HDGFL3: variants seen among roughly 807,000 people sequenced by gnomAD.
The protein encoded by HDGFL3 is HDGF like 3.
In HDGFL3, 6 loss-of-function variants were observed where a neutral mutation model predicts 27.6. That is an observed-to-expected ratio of 0.22 (90% CI 0.12 to 0.43). The LOEUF is 0.43. Ranked by LOEUF, HDGFL3 falls within the 20% of genes least tolerant of loss-of-function variation. HDGFL3 has a pLI of 1.00. For synonymous variants in HDGFL3, 88 were observed against 88.9 expected, an observed-to-expected ratio of 0.99 and a Z score of 0.05; for missense variants, 207 against 250.1, an observed-to-expected ratio of 0.83 and a Z score of 1.16.
At chr15:83,127,465 A>T (rs1457053019), downstream of HDGFL3, 5 of 1,613,418 alleles carry the variant, frequency 3.1e-6, no homozygotes, top group Admixed American at 8.3e-5. Context: ...TACATGCTGG[A>T]GGTCTGGCTC....
intron 1 of HDGFL3, among the ~76,000 whole-genome samples, chr15:83,178,698 G>A (rs1389631074): frequency 6.6e-6 from 1 of 152,080 alleles, no homozygotes; most frequent in Non-Finnish European, 1.5e-5. Context: ...TTCTCATAGA[G>A]CTAAGTTTCT....
At chr15:83,142,505 T>TG (rs1296589078) in intron 5 of HDGFL3, among the ~76,000 whole-genome samples, 4 of 152,064 alleles carry the variant, frequency 2.6e-5, no homozygotes, top group African/African-American at 9.7e-5. Flanking sequence ...AGGGGAACAA[T>TG]GGACACTAGG....
rs373778313 is a variant in HDGFL3 at position 83,157,956 on chromosome 15, C to T, written c.247G>A (p.Glu83Lys). ...TTATTTTCTATTTCCCACAATCCTTCGTTAAATCCTTTCCGTTTGTTTGAC... is the reference window on the plus strand; with the variant it reads ...TTATTTTCTATTTCCCACAATCCTTTGTTAAATCCTTTCCGTTTGTTTGAC... ...GKSNKRKGFN[E>K]GLWEIENNPG... is the part of the protein sequence containing the mutation. The change falls in exon 3 of 6, where the codon GAA (glutamate) becomes AAA (lysine). Residue 83 changes from glutamate (E) to lysine (K), a missense_variant. Glu to Lys is a moderately conservative substitution (Grantham distance 56). Transcript: ENST00000299633. 1 of 1,612,626 alleles carries T rather than the reference C, an allele frequency of 6.2e-7. No individual in the cohort carries two copies. Among genetic ancestry groups the T allele is most frequent in the Non-Finnish European group, 8.5e-7 (1 of 1,179,128 alleles).
In HDGFL3 at chr15:83,134,582, T is replaced by C. The variant is rs969539841; in HGVS notation, c.*4688A>G. On this transcript the variant is annotated 3_prime_UTR_variant, in exon 6 of 6. Transcript: ENST00000299633. ...CATGAAAGTGAGGTATTAACTGCACTGGTTAGTGCAGGAAAAGAGCCTACG... is the reference window on the plus strand; with the variant it reads ...CATGAAAGTGAGGTATTAACTGCACCGGTTAGTGCAGGAAAAGAGCCTACG... The C allele has an allele frequency of 1.3e-5, 2 of 152,220 alleles. No individual in the cohort carries two copies. Among genetic ancestry groups the C allele is most frequent in the African/African-American group, 4.8e-5 (2 of 41,460 alleles). 9.4% of individuals were successfully genotyped at this position (152,220 alleles called of 1,614,324 possible).
chr15:83,125,445 C>T (rs2035659288), downstream of HDGFL3, among the ~76,000 whole-genome samples: 1 of 152,166 alleles, frequency 6.6e-6, no homozygotes, highest in Non-Finnish European at 1.5e-5. Context: ...ACTACTTAAC[C>T]TCTTGGACTC....
chr15:83,181,583 C>T (rs1205039717), intron 1 of HDGFL3, among the ~76,000 whole-genome samples: 1 of 152,176 alleles, frequency 6.6e-6, no homozygotes, highest in East Asian at 1.9e-4. Flanking sequence ...TCAAGTGGTT[C>T]TCCTGCCTCA....
intron 1 of HDGFL3, among the ~76,000 whole-genome samples, chr15:83,172,827 A>G (rs1254103920): frequency 6.6e-6 from 1 of 151,866 alleles, no homozygotes; most frequent in Non-Finnish European, 1.5e-5. Context: ...CAGCTCAAAA[A>G]AAAAAAAAAA....
intron 5 of HDGFL3, among the ~76,000 whole-genome samples, chr15:83,144,019 T>G (rs1047728618): frequency 2.0e-5 from 3 of 152,190 alleles, no homozygotes; most frequent in Non-Finnish European, 4.4e-5. Context: ...AACTTACCGA[T>G]ACGGCACGAT....
chr15:83,197,665 C>T (rs1295274881), intron 1 of HDGFL3, among the ~76,000 whole-genome samples: 1 of 152,280 alleles, frequency 6.6e-6, no homozygotes, highest in South Asian at 2.1e-4. Flanking sequence ...GTCCCACAAA[C>T]CAGGAAAACT....
At chr15:83,157,598 GA>G (rs780532139) in intron 3 of HDGFL3, 25 bp from the exon 4 acceptor site, 10 of 1,585,748 alleles carry the variant, frequency 6.3e-6, no homozygotes, top group Admixed American at 1.8e-5. Flanking sequence ...AATATTAGCT[GA>G]TTACATTTTT....
At chr15:83,124,925 C>T (rs532452420), downstream of HDGFL3, 181 of 662,182 alleles carry the variant, frequency 2.7e-4, no homozygotes, top group Non-Finnish European at 4.1e-4. Context: ...GAGCCCTGGA[C>T]CTGCTTCCTG....
chr15:83,172,301 C>A (rs1445531414), intron 1 of HDGFL3, among the ~76,000 whole-genome samples: 1 of 152,114 alleles, frequency 6.6e-6, no homozygotes, highest in Non-Finnish European at 1.5e-5. Context: ...GATGCCAGTG[C>A]CTTCCTCTTG....
chr15:83,132,244 G>T lies in HDGFL3; in HGVS notation c.*7026C>A, dbSNP rs1421455335. ...ATTACTGGTAGAAGATTCCCAGTAA[G>T]AATTTGGAGATATGCCTTATGTTGT... is the stretch of plus-strand genomic sequence containing the variant. On this transcript the variant is annotated 3_prime_UTR_variant, in exon 6 of 6. Transcript: ENST00000299633. 6.6e-6 allele frequency: 1 copy of T among 152,240 alleles called. No individual in the cohort carries two copies. Among genetic ancestry groups the T allele is most frequent in the Non-Finnish European group, 1.5e-5 (1 of 68,048 alleles). 9.4% of individuals were successfully genotyped at this position (152,240 alleles called of 1,614,324 possible).
chr15:83,132,637 T>TCCC lies in HDGFL3; in HGVS notation c.*6630_*6632dup, dbSNP rs1461842406. 2.0e-5 allele frequency: 3 copies of TCCC among 152,076 alleles called. No homozygotes were observed. The highest frequency in any genetic ancestry group is 3.9e-4 in the East Asian group (2 of 5,188). 9.4% of individuals were successfully genotyped at this position (152,076 alleles called of 1,614,324 possible). ...TCAAACTCCTGGACTCAAGTGACCC[T>TCCC]CCCGCCTTGGCATCCCAAAGTGCTG... On this transcript the variant is annotated 3_prime_UTR_variant, in exon 6 of 6. Coordinates refer to ENST00000299633, the MANE Select transcript of HDGFL3 (RefSeq NM_016073.4).
At chr15:83,171,696 G>A (rs547937418) in intron 1 of HDGFL3, among the ~76,000 whole-genome samples, 1 of 152,200 alleles carries the variant, frequency 6.6e-6, no homozygotes, top group African/African-American at 2.4e-5. Flanking sequence ...TAATGAGTAT[G>A]CATGAATGCA....
intron 5 of HDGFL3, chr15:83,144,412 G>C: frequency 8.8e-6 from 4 of 456,128 alleles, no homozygotes; most frequent in South Asian, 6.2e-5. Flanking sequence ...GTAATAAACA[G>C]AATGAAGCAA....
intron 1 of HDGFL3, among the ~76,000 whole-genome samples, chr15:83,203,652 G>C (rs940356183): frequency 1.3e-5 from 2 of 151,614 alleles, no homozygotes; most frequent in African/African-American, 4.8e-5. Flanking sequence ...ACAAGAAGCA[G>C]GCAGAAAATA....
Position 83,180,643 on chromosome 15 carries a change from A to ATTT in HDGFL3, c.85-16571_85-16569dup, listed in dbSNP as rs34952033. Among the ~76,000 whole-genome samples, 23 of 126,360 alleles carry ATTT rather than the reference A, an allele frequency of 1.8e-4. 1 individual carries two copies. The highest frequency in any genetic ancestry group is 2.4e-4 in the African/African-American group (8 of 32,824). The allele number at this position is 126,360 out of a possible 152,430, so 82.9% of individuals were successfully genotyped here. On this transcript the variant is annotated intron_variant, in intron 1 of 5. Transcript: ENST00000299633. ...GGTTTAATAAACATGTAACTTATCA[A>ATTT]TTTTTTTTTTTTTTTTTTTTGAGAC... is the stretch of plus-strand genomic sequence containing the variant.
chr15:83,151,332 T>C lies in HDGFL3; in HGVS notation c.489A>G (p.Pro163=). 6.2e-7 allele frequency: 1 copy of C among 1,613,174 alleles called. No homozygotes were observed. The highest frequency in any genetic ancestry group is 8.5e-7 in the Non-Finnish European group (1 of 1,179,456). The change falls in exon 5 of 6, where the codon CCA becomes CCG. Residue 163 remains proline (P), a synonymous_variant. Coordinates refer to ENST00000299633, the MANE Select transcript of HDGFL3 (RefSeq NM_016073.4). ...TGCAGTCTTTGTCATCTTCATCTCC[T>C]GGAGATTTCCGGGACTGTTTAGAGG... ...KKSSKQSRKS[P]GDEDDKDCKE...
Sources: gnomAD v4.1 joint callset for allele counts (sites outside exome capture counted in the v4.1 genomes callset) on GRCh38, gnomAD v4.1.1 for gene constraint, MANE v1.5 for transcripts, NCBI Gene and HGNC (gene_info 2026-07-23, HGNC 2026-07-21) for gene names.